The following MGAT4C variants were observed in gnomAD, a reference collection of about 807,000 sequenced individuals.
The protein encoded by MGAT4C is MGAT4 family member C, also known as alpha-1,3-mannosyl-glycoprotein 4-beta-N-acetylglucosaminyltransferase C.
In MGAT4C, 19 loss-of-function variants were observed where a neutral mutation model predicts 40.1. That is an observed-to-expected ratio of 0.47 (90% CI 0.33 to 0.70). The LOEUF (loss-of-function observed/expected upper bound fraction) is 0.70, where lower values mean the gene tolerates loss of function less well. Among genes scored for constraint, MGAT4C ranks in the 30% least tolerant of loss-of-function variants. The pLI is 0.02. For missense variants in MGAT4C, 491 were observed against 563.2 expected (o/e 0.87, Z 1.30); for synonymous variants, 181 against 187.1 (o/e 0.97, Z 0.27).
At chr12:85,982,311 C>T (rs1179356986) in intron 4 of MGAT4C, among the ~76,000 whole-genome samples, 2 of 152,142 alleles carry the variant, frequency 1.3e-5, no homozygotes, top group Non-Finnish European at 2.9e-5. Context: ...TCCTCAGCCT[C>T]CTGAGTAGCT....
intron 2 of MGAT4C, among the ~76,000 whole-genome samples, chr12:86,540,153 A>T (rs1002788890): frequency 1.3e-5 from 2 of 152,162 alleles, no homozygotes; most frequent in Admixed American, 1.3e-4. Flanking sequence ...TTATGGTTTT[A>T]GGTCTAACAT....
chr12:85,993,630 C>A (rs1310534201), intron 2 of MGAT4C, among the ~76,000 whole-genome samples: 1 of 152,010 alleles, frequency 6.6e-6, no homozygotes, highest in African/African-American at 2.4e-5. Context: ...CACAGGTGGC[C>A]CCTGATGTCA....
At chr12:86,116,848 T>C (rs551818711) in intron 1 of MGAT4C, among the ~76,000 whole-genome samples, 2 of 152,144 alleles carry the variant, frequency 1.3e-5, no homozygotes, top group African/African-American at 4.8e-5. Flanking sequence ...AGGGACCATT[T>C]TCAATGGATA....
At chr12:86,208,383 C>T (rs1950342486) in intron 1 of MGAT4C, among the ~76,000 whole-genome samples, 1 of 152,166 alleles carries the variant, frequency 6.6e-6, no homozygotes, top group Non-Finnish European at 1.5e-5. Context: ...AGGAGAATCG[C>T]TTGAACCCAC....
intron 4 of MGAT4C, among the ~76,000 whole-genome samples, chr12:86,263,448 C>T (rs1566240651): frequency 6.6e-6 from 1 of 152,140 alleles, no homozygotes; most frequent in Non-Finnish European, 1.5e-5. Context: ...CTGTGTCTGA[C>T]ATATTTCATT....
At chr12:86,048,249 G>T (rs576276310) in intron 2 of MGAT4C, among the ~76,000 whole-genome samples, 104 of 152,098 alleles carry the variant, frequency 6.8e-4, no homozygotes, top group Middle Eastern at 3.4e-3. Context: ...TATAAGTGGG[G>T]GCTAAACACT....
At chr12:86,615,912 G>A (rs547332290) in intron 2 of MGAT4C, among the ~76,000 whole-genome samples, 26 of 152,186 alleles carry the variant, frequency 1.7e-4, no homozygotes, top group African/African-American at 6.0e-4. Context: ...CCACTATTGT[G>A]AGAGACTCTT....
chr12:86,243,964 A>G (rs981579843), intron 1 of MGAT4C, among the ~76,000 whole-genome samples: 2 of 152,190 alleles, frequency 1.3e-5, no homozygotes, highest in Non-Finnish European at 2.9e-5. Flanking sequence ...AGGAGGAGAA[A>G]AGACTGGCCA....
At chr12:86,426,109 C>T (rs186414403) in intron 3 of MGAT4C, among the ~76,000 whole-genome samples, 3 of 152,088 alleles carry the variant, frequency 2.0e-5, no homozygotes, top group African/African-American at 7.2e-5. Context: ...AAGTATACAA[C>T]TTATTTTGCA....
chr12:86,560,351 C>A (rs1959803458), intron 2 of MGAT4C, among the ~76,000 whole-genome samples: 1 of 151,836 alleles, frequency 6.6e-6, no homozygotes, highest in African/African-American at 2.4e-5. Flanking sequence ...AAATTACAAG[C>A]CAATGACCCT....
chr12:86,772,139 G>C (rs1951650618), intron 1 of MGAT4C, among the ~76,000 whole-genome samples: 1 of 152,140 alleles, frequency 6.6e-6, no homozygotes, highest in Non-Finnish European at 1.5e-5. Context: ...TAAAGAGATT[G>C]TATGTATGGC....
At chr12:86,726,464 G>A (rs1950823380) in intron 2 of MGAT4C, among the ~76,000 whole-genome samples, 4 of 152,004 alleles carry the variant, frequency 2.6e-5, no homozygotes, top group Non-Finnish European at 5.9e-5. Context: ...CTTATTCACT[G>A]GCATGAAGAA....
At chr12:86,716,011 A>T (rs968768533) in intron 2 of MGAT4C, among the ~76,000 whole-genome samples, 17 of 152,142 alleles carry the variant, frequency 1.1e-4, no homozygotes, top group African/African-American at 3.4e-4. Context: ...ACCTGAGATT[A>T]GTTAATCTAC....
chr12:86,313,766 G>A (rs1326633013), intron 4 of MGAT4C, among the ~76,000 whole-genome samples: 2 of 152,172 alleles, frequency 1.3e-5, no homozygotes, highest in Non-Finnish European at 2.9e-5. Flanking sequence ...AGAAATATTT[G>A]TTTGGCTGGT....
chr12:86,624,496 A>G (rs1459144437), intron 2 of MGAT4C, among the ~76,000 whole-genome samples: 1 of 152,224 alleles, frequency 6.6e-6, no homozygotes, highest in African/African-American at 2.4e-5. Context: ...TCTTTATTGA[A>G]TCATTAGCTG....
chr12:86,107,663 C>T (rs544778260), intron 1 of MGAT4C, among the ~76,000 whole-genome samples: 11 of 152,110 alleles, frequency 7.2e-5, no homozygotes, highest in African/African-American at 2.7e-4. Context: ...TACTAATATG[C>T]TATATTTTCT....
At chr12:86,182,848 T>C (rs1412540470) in intron 1 of MGAT4C, among the ~76,000 whole-genome samples, 2 of 152,148 alleles carry the variant, frequency 1.3e-5, no homozygotes, top group Non-Finnish European at 2.9e-5. Flanking sequence ...CACCATCATG[T>C]AGACAGTTAC....
chr12:86,803,932 C>G lies in MGAT4C; in HGVS notation c.-262+34734G>C, dbSNP rs1329728194. Among the ~76,000 whole-genome samples, 12 of 143,550 alleles carry G rather than the reference C, an allele frequency of 8.4e-5. No homozygotes were observed. In the East Asian group the frequency reaches 1.5e-3, roughly 17 times the overall value. The allele number at this position is 143,550 out of a possible 152,430, so 94.2% of individuals were successfully genotyped here. On this transcript the variant is annotated intron_variant, in intron 1 of 7. Coordinates refer to the MGAT4C transcript ENST00000548651. Reference sequence around the variant, plus strand: ...CATTACTGGGTATATACCCAAATGACTATAAATCATGCTGCTATAAAGACA... The same window carrying G: ...CATTACTGGGTATATACCCAAATGAGTATAAATCATGCTGCTATAAAGACA...
intron 2 of MGAT4C, among the ~76,000 whole-genome samples, chr12:86,714,607 A>G: frequency 6.6e-6 from 1 of 152,076 alleles, no homozygotes; most frequent in South Asian, 2.1e-4. Flanking sequence ...CATGTAAGAC[A>G]TACCTTTCGC....
Sources: gnomAD v4.1 joint callset for allele counts (sites outside exome capture counted in the v4.1 genomes callset) on GRCh38, gnomAD v4.1.1 for gene constraint, MANE v1.5 for transcripts, NCBI Gene and HGNC (gene_info 2026-07-23, HGNC 2026-07-21) for gene names.